The following EPHA5 variants were observed in gnomAD, a reference collection of about 807,000 sequenced individuals.
The protein encoded by EPHA5 is ephrin type-A receptor 5.
Under a neutral mutation model 105.0 loss-of-function variants are expected in EPHA5, and 60 were observed. The ratio of observed to expected loss-of-function variants is 0.57; its 90% CI spans 0.46 to 0.71. EPHA5 has a LOEUF of 0.71. Among genes scored for constraint, EPHA5 ranks in the 30% least tolerant of loss-of-function variants. The pLI is 0.00. For synonymous variants in EPHA5, 513 were observed against 449.1 expected (o/e 1.14, Z -1.80); for missense variants, 1,218 against 1,274.7 (o/e 0.96, Z 0.68).
intron 3 of EPHA5, among the ~76,000 whole-genome samples, chr4:65,502,051 G>T (rs1732541416): frequency 6.6e-6 from 1 of 151,742 alleles, no homozygotes; most frequent in African/African-American, 2.4e-5. Context: ...CTAGCTATAT[G>T]CAGAAGAATG....
chr4:65,500,574 C>G (rs57541441), intron 3 of EPHA5, among the ~76,000 whole-genome samples: 4,996 of 149,824 alleles, frequency 0.033, 278 homozygotes, highest in African/African-American at 0.12. Context: ...TGACAAATTG[C>G]ATCGATTTTT....
chr4:65,397,898 G>T (rs915752753), intron 8 of EPHA5, among the ~76,000 whole-genome samples: 1 of 152,266 alleles, frequency 6.6e-6, no homozygotes, highest in Non-Finnish European at 1.5e-5. Flanking sequence ...CTCTTCAGAG[G>T]GGGGACTGAT....
At chr4:65,601,606 A>G (rs2149436433) in intron 3 of EPHA5, 35 bp downstream of exon 3, 1 of 1,592,020 alleles carries the variant, frequency 6.3e-7, no homozygotes, top group African/African-American at 1.3e-5. Flanking sequence ...CAACTGAAGC[A>G]GACAGCCCCT....
rs1340214430 is a variant in EPHA5 at position 65,321,784 on chromosome 4, A to G, written c.*2330T>C. Reference sequence around the variant, plus strand: ...ACCTCCTAATTATCTTTCAGCATATAAAGTTGGAAAACAATGTAGAAAATA... The same window carrying G: ...ACCTCCTAATTATCTTTCAGCATATGAAGTTGGAAAACAATGTAGAAAATA... On this transcript the variant is annotated 3_prime_UTR_variant, in exon 17 of 17. Coordinates refer to ENST00000613740, the MANE Select transcript of EPHA5 (RefSeq NM_001281766.3). 2.2e-5 allele frequency: 5 copies of G among 227,720 alleles called. No homozygotes were observed. Among genetic ancestry groups the G allele is most frequent in the African/African-American group, 6.7e-5 (3 of 45,048 alleles). 14.1% of individuals were successfully genotyped at this position (227,720 alleles called of 1,614,324 possible).
At chr4:65,407,923 T>G (rs1175123503) in intron 7 of EPHA5, among the ~76,000 whole-genome samples, 1 of 140,014 alleles carries the variant, frequency 7.1e-6, no homozygotes. Context: ...CTATGGCTAA[T>G]TTTTGCATTT....
intron 3 of EPHA5, among the ~76,000 whole-genome samples, chr4:65,560,485 T>C (rs908699048): frequency 2.0e-5 from 3 of 152,110 alleles, no homozygotes; most frequent in African/African-American, 7.2e-5. Flanking sequence ...ATATGACATC[T>C]TCTCCTGATG....
intron 3 of EPHA5, among the ~76,000 whole-genome samples, chr4:65,521,718 T>G (rs1209390056): frequency 6.6e-6 from 1 of 152,062 alleles, no homozygotes; most frequent in African/African-American, 2.4e-5. Flanking sequence ...CTGGTCCTAA[T>G]CATTTGAGTC....
intron 2 of EPHA5, among the ~76,000 whole-genome samples, chr4:65,640,370 C>T (rs1200412431): frequency 2.0e-5 from 3 of 147,006 alleles, no homozygotes; most frequent in South Asian, 2.1e-4. Flanking sequence ...ACTGCAAGCT[C>T]CACCTCCCGG....
At chr4:65,508,059 A>C (rs1230212085) in intron 3 of EPHA5, among the ~76,000 whole-genome samples, 1 of 152,082 alleles carries the variant, frequency 6.6e-6, no homozygotes, top group Admixed American at 6.6e-5. Context: ...ATACTCATGA[A>C]ATAACCTTAT....
chr4:65,403,692 C>T (rs1323075955), intron 8 of EPHA5, among the ~76,000 whole-genome samples: 1 of 151,580 alleles, frequency 6.6e-6, no homozygotes, highest in Non-Finnish European at 1.5e-5. Context: ...TCAGAAAGCA[C>T]CTAGAATAGC....
chr4:65,586,331 T>C (rs149255147), intron 3 of EPHA5, among the ~76,000 whole-genome samples: 1,648 of 151,912 alleles, frequency 0.011, 15 homozygotes, highest in Non-Finnish European at 0.016. Flanking sequence ...TATATAATAA[T>C]TAGACAATCT....
At chr4:65,518,563 T>C (rs2149273906) in intron 3 of EPHA5, among the ~76,000 whole-genome samples, 1 of 152,136 alleles carries the variant, frequency 6.6e-6, no homozygotes, top group East Asian at 1.9e-4. Context: ...TCTCTGGATA[T>C]AACAGAAACA....
chr4:65,563,365 C>T (rs1030732256), intron 3 of EPHA5, among the ~76,000 whole-genome samples: 6 of 152,012 alleles, frequency 3.9e-5, no homozygotes, highest in Non-Finnish European at 7.4e-5. Context: ...GTAAAGCATT[C>T]GAAATTATTT....
intron 3 of EPHA5, among the ~76,000 whole-genome samples, chr4:65,519,748 G>A (rs986042844): frequency 6.6e-6 from 1 of 152,070 alleles, no homozygotes; most frequent in African/African-American, 2.4e-5. Flanking sequence ...CAAACAGAGA[G>A]CAAAATCATG....
intron 14 of EPHA5, among the ~76,000 whole-genome samples, chr4:65,341,796 G>A (rs1204216029): frequency 6.6e-6 from 1 of 151,832 alleles, no homozygotes; most frequent in Non-Finnish European, 1.5e-5. Context: ...TAGGGCTTGA[G>A]TACCTATGTT....
At chr4:65,404,255 T>A in intron 8 of EPHA5, 119 bp downstream of exon 8, 1 of 694,570 alleles carries the variant, frequency 1.4e-6, no homozygotes, top group Non-Finnish European at 2.5e-6. Context: ...GTATTGAGAT[T>A]ATCTGCTGAT....
At chr4:65,669,252 G>T (rs577898992) in intron 1 of EPHA5, among the ~76,000 whole-genome samples, 56 of 151,554 alleles carry the variant, frequency 3.7e-4, no homozygotes, top group Non-Finnish European at 7.1e-4. Flanking sequence ...CCCCTGGAAC[G>T]GGCCTCCATT....
intron 12 of EPHA5, among the ~76,000 whole-genome samples, chr4:65,352,354 A>G (rs1722896363): frequency 6.6e-6 from 1 of 151,996 alleles, no homozygotes; most frequent in African/African-American, 2.4e-5. Context: ...TACCAATGGT[A>G]ATGAGCACTA....
At chr4:65,326,524 G>T (rs1047779651) in intron 16 of EPHA5, among the ~76,000 whole-genome samples, 54 of 151,260 alleles carry the variant, frequency 3.6e-4, no homozygotes, top group African/African-American at 1.2e-3. Flanking sequence ...TTTCTGTTAT[G>T]CACTAATATT....
Sources: gnomAD v4.1 joint callset for allele counts (sites outside exome capture counted in the v4.1 genomes callset) on GRCh38, gnomAD v4.1.1 for gene constraint, MANE v1.5 for transcripts, NCBI Gene and HGNC (gene_info 2026-07-23, HGNC 2026-07-21) for gene names.